Variants in FXR1 observed in about 807,000 individuals in gnomAD.
The protein encoded by FXR1 is RNA-binding protein FXR1.
FXR1 carries 15 observed loss-of-function variants against 84.0 expected under a neutral mutation model. That is an observed-to-expected ratio of 0.18 (90% CI 0.12 to 0.27). FXR1 has a LOEUF of 0.27. Ranked by LOEUF, FXR1 falls within the 10% of genes least tolerant of loss-of-function variation. The pLI is 1.00. For missense variants in FXR1, 480 were observed against 774.4 expected, an observed-to-expected ratio of 0.62 and a Z score of 4.51; for synonymous variants, 245 against 250.7, an observed-to-expected ratio of 0.98 and a Z score of 0.21.
intron 2 of FXR1, among the ~76,000 whole-genome samples, chr3:180,934,597 T>A (rs1720314390): frequency 6.6e-6 from 1 of 152,198 alleles, no homozygotes; most frequent in South Asian, 2.1e-4. Flanking sequence ...GAAAATGAAA[T>A]CTTTTGTAAT....
At chr3:180,919,350 T>G (rs1420183908) in intron 1 of FXR1, among the ~76,000 whole-genome samples, 1 of 149,656 alleles carries the variant, frequency 6.7e-6, no homozygotes, top group Non-Finnish European at 1.5e-5. Flanking sequence ...AGTGGCACTA[T>G]CTCGGGTCAT....
intron 1 of FXR1, among the ~76,000 whole-genome samples, chr3:180,918,883 C>A (rs1242037664): frequency 6.6e-6 from 1 of 152,140 alleles, no homozygotes; most frequent in Non-Finnish European, 1.5e-5. Flanking sequence ...TAGATAACTC[C>A]ACTATTTGAG....
chr3:180,967,200 A>G (rs1180030743), intron 13 of FXR1, among the ~76,000 whole-genome samples: 2 of 152,178 alleles, frequency 1.3e-5, no homozygotes, highest in African/African-American at 4.8e-5. Context: ...TAAGAAAAGC[A>G]AAAAGTAAAA....
chr3:180,921,066 T>A (rs1718526798), intron 1 of FXR1, among the ~76,000 whole-genome samples: 1 of 152,130 alleles, frequency 6.6e-6, no homozygotes, highest in Non-Finnish European at 1.5e-5. Context: ...TTTTTTTTCT[T>A]ATTAGAGCTT....
At chr3:180,940,282 T>C (rs1275257112) in intron 3 of FXR1, among the ~76,000 whole-genome samples, 1 of 152,226 alleles carries the variant, frequency 6.6e-6, no homozygotes, top group African/African-American at 2.4e-5. Context: ...TGCTTAATGA[T>C]TGATTTTTGC....
intron 13 of FXR1, among the ~76,000 whole-genome samples, chr3:180,963,368 C>T (rs1392864097): frequency 6.6e-6 from 1 of 152,028 alleles, no homozygotes; most frequent in African/African-American, 2.4e-5. Flanking sequence ...ACAAAGAATA[C>T]ATATGTAACT....
intron 9 of FXR1, chr3:180,957,443 C>T (rs1291821612): frequency 6.4e-6 from 1 of 156,482 alleles, no homozygotes; most frequent in Non-Finnish European, 1.4e-5. Context: ...TAATAAAGTG[C>T]TAATGATTAA....
At chr3:180,912,785 G>A (rs1717372729) in intron 1 of FXR1, 49 bp downstream of exon 1, 2 of 1,613,760 alleles carry the variant, frequency 1.2e-6, no homozygotes, top group South Asian at 1.1e-5. Flanking sequence ...GCTGGAGCGC[G>A]TTTGAGGGAG....
intron 3 of FXR1, among the ~76,000 whole-genome samples, chr3:180,941,193 C>A (rs1407370492): frequency 6.7e-6 from 1 of 148,414 alleles, no homozygotes; most frequent in African/African-American, 2.5e-5. Context: ...TTTTTTTTTC[C>A]AAATTTTATT....
intron 1 of FXR1, among the ~76,000 whole-genome samples, chr3:180,919,271 A>T (rs866436050): frequency 1.3e-3 from 187 of 139,010 alleles, no homozygotes; most frequent in African/African-American, 5.1e-3. Flanking sequence ...CCTAAATTTT[A>T]TTTTTTTTTT....
At chr3:180,914,637 A>AT (rs899566646) in intron 1 of FXR1, 1,744 of 317,048 alleles carry the variant, frequency 5.5e-3, no homozygotes, top group Middle Eastern at 0.011. Context: ...TTCTCACGGT[A>AT]TTTTTTTTTT....
chr3:180,962,961 T>A (rs1172461028), intron 12 of FXR1, 21 bp downstream of exon 12: 2 of 1,610,948 alleles, frequency 1.2e-6, no homozygotes, highest in Admixed American at 3.3e-5. Context: ...CAGACCTTCT[T>A]CCACCAGAGG....
In FXR1 at chr3:180,917,197, A is replaced by G. The variant is rs150611923; in HGVS notation, c.51+4461A>G. Among the ~76,000 whole-genome samples, 13 of 152,280 alleles carry G rather than the reference A, an allele frequency of 8.5e-5. No homozygotes were observed. The East Asian group carries it at 2.5e-3, about 29-fold the overall frequency. ...TGTAACTGTCTACAAAACAAATCTC[A>G]AAGTACTATATTTCTATAATTCCCT... On this transcript the variant is annotated intron_variant, in intron 1 of 16. Coordinates refer to ENST00000357559, the MANE Select transcript of FXR1 (RefSeq NM_005087.4).
intron 1 of FXR1, among the ~76,000 whole-genome samples, chr3:180,926,783 T>C (rs927568075): frequency 2.0e-5 from 3 of 152,004 alleles, no homozygotes; most frequent in Non-Finnish European, 2.9e-5. Context: ...GTAAATTTAC[T>C]GTTGTAATGA....
intron 1 of FXR1, among the ~76,000 whole-genome samples, chr3:180,913,853 G>T (rs1717548673): frequency 6.6e-6 from 1 of 152,186 alleles, no homozygotes; most frequent in African/African-American, 2.4e-5. Flanking sequence ...TAATACATGA[G>T]TATTGTGCGT....
chr3:180,934,092 C>T lies in FXR1; in HGVS notation c.104+706C>T, dbSNP rs560793775. Among the ~76,000 whole-genome samples, 8 of 152,146 alleles carry T rather than the reference C, an allele frequency of 5.3e-5. No homozygotes were observed. The South Asian group carries it at 8.3e-4, about 16-fold the overall frequency. ...CGGCGCCATTGCACTCCAGCCTGGACGACAAGAGCAAAACTCCATCTCCAA... is the reference window on the plus strand; with the variant it reads ...CGGCGCCATTGCACTCCAGCCTGGATGACAAGAGCAAAACTCCATCTCCAA... On this transcript the variant is annotated intron_variant, in intron 2 of 16. Transcript: ENST00000357559.
chr3:180,982,097 A>T lies in FXR1; in HGVS notation c.*5805A>T, dbSNP rs1714638209. On this transcript the variant is annotated 3_prime_UTR_variant, in exon 17 of 17. Transcript: ENST00000357559. ...AAAAGTTAAGAGAACGGAACTCAGG[A>T]TCTGAGAAAGATCAGCCATTCTCAG... 2 of 152,038 alleles carry T rather than the reference A, an allele frequency of 1.3e-5. No individual in the cohort carries two copies. The highest frequency in any genetic ancestry group is 4.8e-5 in the African/African-American group (2 of 41,450). The allele number at this position is 152,038 out of a possible 1,614,324, so 9.4% of individuals were successfully genotyped here.
In FXR1 at chr3:180,941,211, G is replaced by GA. The variant is rs1417639878; in HGVS notation, c.198+5981dup. Among the ~76,000 whole-genome samples, 7 of 149,798 alleles carry GA rather than the reference G, an allele frequency of 4.7e-5. 1 individual carries two copies. The highest frequency in any genetic ancestry group is 3.3e-4 in the Admixed American group (5 of 14,990). ...TTTTTTCCAAATTTTATTTTTTTGA[G>GA]ACAGGGTCTTACTCTGTCACCCAGG... On this transcript the variant is annotated intron_variant, in intron 3 of 16. Transcript: ENST00000357559.
At chr3:180,935,836 A>C (rs963168600) in intron 3 of FXR1, among the ~76,000 whole-genome samples, 16 of 152,336 alleles carry the variant, frequency 1.1e-4, no homozygotes, top group African/African-American at 3.8e-4. Flanking sequence ...GCATCCCAAA[A>C]TGATGGGATT....
Sources: gnomAD v4.1 joint callset for allele counts (sites outside exome capture counted in the v4.1 genomes callset) on GRCh38, gnomAD v4.1.1 for gene constraint, MANE v1.5 for transcripts, NCBI Gene and HGNC (gene_info 2026-07-23, HGNC 2026-07-21) for gene names.